Variants in PRPF31 observed in about 807,000 individuals in gnomAD.
PRPF31 encodes pre-mRNA processing factor 31, also known as U4/U6 small nuclear ribonucleoprotein Prp31.
Under a neutral mutation model 60.4 loss-of-function variants are expected in PRPF31, and 12 were observed. The ratio of observed to expected loss-of-function variants is 0.20; its 90% CI spans 0.13 to 0.32. The LOEUF (loss-of-function observed/expected upper bound fraction) is 0.32. Among genes scored for constraint, PRPF31 ranks in the 10% least tolerant of loss-of-function variants. The pLI is 1.00. For synonymous variants in PRPF31, 287 were observed against 287.9 expected (o/e 1.00, Z 0.03); for missense variants, 431 against 687.1 (o/e 0.63, Z 4.17).
intron 9 of PRPF31, among the ~76,000 whole-genome samples, chr19:54,127,534 G>T (rs1315436677): frequency 6.6e-6 from 1 of 152,140 alleles, no homozygotes; most frequent in African/African-American, 2.4e-5. Flanking sequence ...CTGGGAATTA[G>T]AACATGGGCC....
intron 5 of PRPF31, chr19:54,123,179 C>A: frequency 1.7e-6 from 1 of 581,626 alleles, no homozygotes; most frequent in Non-Finnish European, 3.1e-6. Flanking sequence ...TGACGCAGGC[C>A]AGAGGCTTGT....
intron 5 of PRPF31, 124 bp downstream of exon 5, chr19:54,122,718 G>A (rs1600337869): frequency 1.2e-6 from 1 of 816,522 alleles, no homozygotes; most frequent in Non-Finnish European, 2.1e-6. Context: ...AGGGCTCAGT[G>A]GTCTGCTCTG....
At chr19:54,124,679 C>T in intron 8 of PRPF31, 23 bp downstream of exon 8, 1 of 1,608,852 alleles carries the variant, frequency 6.2e-7, no homozygotes, top group African/African-American at 1.3e-5. Context: ...CGTCATGGCC[C>T]CTCCCCCGGC....
intron 3 of PRPF31, among the ~76,000 whole-genome samples, chr19:54,121,027 C>G (rs754852535): frequency 2.0e-5 from 3 of 152,130 alleles, no homozygotes; most frequent in Non-Finnish European, 2.9e-5. Context: ...CGCGGTGGCT[C>G]ACGCCTGTCA....
At chr19:54,122,454 A>G (rs2073815291) in intron 4 of PRPF31, 43 bp from the exon 5 acceptor site, 2 of 1,446,572 alleles carry the variant, frequency 1.4e-6, no homozygotes, top group Non-Finnish European at 1.9e-6. Context: ...AGCAGAGTCT[A>G]CCTTCCATCT....
chr19:54,119,046 C>G (rs1019967770), intron 3 of PRPF31, among the ~76,000 whole-genome samples: 1 of 151,852 alleles, frequency 6.6e-6, no homozygotes, highest in Non-Finnish European at 1.5e-5. Flanking sequence ...TATCATTTGG[C>G]AAAGACAAAG....
At chr19:54,129,601 G>A (rs1268959337) in intron 13 of PRPF31, among the ~76,000 whole-genome samples, 1 of 141,440 alleles carries the variant, frequency 7.1e-6, no homozygotes, top group South Asian at 2.8e-4. Flanking sequence ...TTAGAACCAG[G>A]CCCACAGCTG....
intron 11 of PRPF31, among the ~76,000 whole-genome samples, chr19:54,128,686 G>A (rs977288528): frequency 3.9e-5 from 6 of 152,042 alleles, no homozygotes; most frequent in Non-Finnish European, 7.4e-5. Flanking sequence ...CCCGTCCCTG[G>A]GCCCCGCCAG....
At chr19:54,122,918 C>CT (rs1167990801) in intron 5 of PRPF31, 1 of 517,560 alleles carries the variant, frequency 1.9e-6, no homozygotes, top group Non-Finnish European at 3.5e-6. Flanking sequence ...AGAGAGACGT[C>CT]TAAGTGCAGA....
intron 5 of PRPF31, chr19:54,123,148 C>T: frequency 1.8e-6 from 1 of 544,494 alleles, no homozygotes; most frequent in Non-Finnish European, 3.3e-6. Flanking sequence ...GGAAGCGAGG[C>T]CGCGGATTTG....
At position 54,126,549 on chromosome 19, in the gene PRPF31, C is replaced by T. The variant is rs1230858435; in HGVS notation, c.877C>T (p.Arg293Trp). 2 of 1,612,974 alleles carry T rather than the reference C, an allele frequency of 1.2e-6. No homozygotes were observed. Among genetic ancestry groups the T allele is most frequent in the Non-Finnish European group, 1.7e-6 (2 of 1,179,714 alleles). ...CCAGGATCTGCGGCGGAAAGCGGCC[C>T]GGCTGGTGGCCGCCAAGTGCACACT... Reference protein sequence around the residue: ...LPPDLRRKAARLVAAKCTLAA... With the variant: ...LPPDLRRKAAWLVAAKCTLAA... The change falls in exon 9 of 14, where the codon CGG (arginine) becomes TGG (tryptophan). Residue 293 changes from arginine to tryptophan, a missense_variant. By Grantham distance (101) the Arg-to-Trp change is moderately radical. Transcript: ENST00000321030.
chr19:54,117,455 G>T (rs1568580406), intron 1 of PRPF31, among the ~76,000 whole-genome samples: 1 of 152,166 alleles, frequency 6.6e-6, no homozygotes, highest in Non-Finnish European at 1.5e-5. Flanking sequence ...TGGAGCATGG[G>T]CTGGTGTCAA....
chr19:54,122,650 A>G, intron 5 of PRPF31, 56 bp downstream of exon 5: 1 of 1,414,250 alleles, frequency 7.1e-7, no homozygotes. Context: ...GGCGGGGCTC[A>G]CTCTCGGACC....
At chr19:54,123,314 GAGGCAGGAGAGGCCCCC>G in intron 5 of PRPF31, 123 bp from the exon 6 acceptor site, 4 of 741,560 alleles carry the variant, frequency 5.4e-6, no homozygotes, top group Non-Finnish European at 9.8e-6. Context: ...TCAGGCGGTG[GAGGCAGGAGAGGCCCCC>G]AGTGCAGAGA....
intron 3 of PRPF31, chr19:54,118,836 G>A (rs1320060427): frequency 3.3e-6 from 2 of 611,554 alleles, no homozygotes; most frequent in Non-Finnish European, 2.9e-6. Flanking sequence ...TCCTTCCTGT[G>A]TGCTGAGCTT....
chr19:54,123,588 G>A lies in PRPF31; in HGVS notation c.527+28G>A, dbSNP rs199923180. The A allele has an allele frequency of 2.4e-5, 38 of 1,610,188 alleles. No homozygotes were observed. In the East Asian group the frequency reaches 8.5e-4, roughly 36 times the overall value. On this transcript the variant is annotated intron_variant, in intron 6 of 13. Coordinates refer to ENST00000321030, the MANE Select transcript of PRPF31 (RefSeq NM_015629.4). The stretch of plus-strand genomic sequence containing the variant: ...ATGTCCGCTTCGAGGGAGGCGCCGG[G>A]CCCTAATGGGATTGGGGATTAGGCT...
At position 54,131,357 on chromosome 19, in the gene PRPF31, C is replaced by T; in HGVS notation, c.1425C>T (p.Ala475=). The part of the protein sequence containing the change: ...PQAAEKKVAE[A]NQKYFSSMAE... ...CGGCAGAGAAGAAGGTGGCTGAGGC[C>T]AACCAGAAGTATTTCTCCAGCATGG... Residue 475 remains alanine, a synonymous_variant, in exon 14 of 14, where the codon GCC becomes GCT. Coordinates refer to ENST00000321030, the MANE Select transcript of PRPF31 (RefSeq NM_015629.4). 6.2e-7 allele frequency: 1 copy of T among 1,614,062 alleles called. No homozygotes were observed. Among genetic ancestry groups the T allele is most frequent in the East Asian group, 2.2e-5 (1 of 44,888 alleles).
Position 54,123,731 on chromosome 19 carries a change from GC to G in PRPF31, c.528-15del, listed in dbSNP as rs2073850336. 6.2e-7 allele frequency: 1 copy of G among 1,601,818 alleles called. No individual in the cohort carries two copies. ...GCAGGCGGGAGACCCAGGAGGCTGG[GC>G]CCACCCGCCCCTGCAGGCAGCAGCT... is the stretch of plus-strand genomic sequence containing the variant. On this transcript the variant is annotated splice_polypyrimidine_tract_variant and intron_variant, in intron 6 of 13. Transcript: ENST00000321030.
At chr19:54,125,540 C>T (rs1018161669) in intron 8 of PRPF31, among the ~76,000 whole-genome samples, 1 of 151,456 alleles carries the variant, frequency 6.6e-6, no homozygotes, top group Non-Finnish European at 1.5e-5. Context: ...GACAGACAGG[C>T]CTGGGTCCAG....
Sources: gnomAD v4.1 joint callset for allele counts (sites outside exome capture counted in the v4.1 genomes callset) on GRCh38, gnomAD v4.1.1 for gene constraint, MANE v1.5 for transcripts, NCBI Gene and HGNC (gene_info 2026-07-23, HGNC 2026-07-21) for gene names.